The following SQSTM1 variants were observed in gnomAD, a reference collection of about 807,000 sequenced individuals.
SQSTM1 encodes the protein sequestosome 1.
Under a neutral mutation model 45.1 loss-of-function variants are expected in SQSTM1, and 36 were observed. The ratio of observed to expected loss-of-function variants is 0.80; its 90% CI spans 0.61 to 1.05. SQSTM1 has a LOEUF of 1.05. Among genes scored for constraint, SQSTM1 ranks in the 50% least tolerant of loss-of-function variants. The probability of loss-of-function intolerance (pLI) is 0.00; values close to 1 mark genes in which losing one functional copy is unlikely to be tolerated. For synonymous variants in SQSTM1, 290 were observed against 244.3 expected, an observed-to-expected ratio of 1.19 and a Z score of -1.74; for missense variants, 617 against 607.1, an observed-to-expected ratio of 1.02 and a Z score of -0.17.
intron 2 of SQSTM1, among the ~76,000 whole-genome samples, chr5:179,823,289 A>G (rs945699831): frequency 6.6e-6 from 1 of 151,816 alleles, no homozygotes; most frequent in Admixed American, 6.6e-5. Flanking sequence ...AACATGGTGA[A>G]ACCTTGTCGC....
intron 1 of SQSTM1, chr5:179,821,634 T>A (rs1244199077): frequency 9.6e-6 from 4 of 417,026 alleles, no homozygotes; most frequent in Non-Finnish European, 1.9e-5. Context: ...AGCGCGGGGG[T>A]GCGGGGGACT....
chr5:179,821,397 G>C (rs1302322636), intron 1 of SQSTM1, among the ~76,000 whole-genome samples: 1 of 152,118 alleles, frequency 6.6e-6, no homozygotes, highest in East Asian at 1.9e-4. Flanking sequence ...CCTGCCGGCC[G>C]GGGGCTCGAG....
chr5:179,833,904 G>C (rs545710060), intron 7 of SQSTM1, 122 bp downstream of exon 7: 1 of 1,117,654 alleles, frequency 8.9e-7, no homozygotes, highest in Admixed American at 1.9e-5. Flanking sequence ...GCTGTCTGTA[G>C]GTGTGGGAGG....
chr5:179,812,455 G>A (rs1266191913), intron 2 of SQSTM1: 1 of 152,238 alleles, frequency 6.6e-6, no homozygotes, highest in African/African-American at 2.4e-5. Context: ...GGCGCCCTGG[G>A]CGTGTGTACT....
chr5:179,830,403 T>G (rs1758161528), intron 5 of SQSTM1, among the ~76,000 whole-genome samples: 1 of 152,002 alleles, frequency 6.6e-6, no homozygotes, highest in Non-Finnish European at 1.5e-5. Flanking sequence ...GGCCTAGAAT[T>G]CTTTTGTTTT....
intron 2 of SQSTM1, chr5:179,812,179 T>G (rs1468892559): frequency 1.3e-5 from 2 of 152,212 alleles, no homozygotes; most frequent in Non-Finnish European, 2.9e-5. Context: ...AGGAATGATC[T>G]CCACCGCACA....
At chr5:179,824,726 C>T (rs578058256) in intron 4 of SQSTM1, among the ~76,000 whole-genome samples, 4 of 152,268 alleles carry the variant, frequency 2.6e-5, no homozygotes, top group South Asian at 2.1e-4. Flanking sequence ...AAAGACTTAC[C>T]GTTAGCTTTG....
At chr5:179,835,903 A>G in intron 7 of SQSTM1, 1 of 211,172 alleles carries the variant, frequency 4.7e-6, no homozygotes, top group African/African-American at 2.3e-5. Context: ...TTCTTTATCC[A>G]CTCATTGCTT....
intron 5 of SQSTM1, among the ~76,000 whole-genome samples, chr5:179,832,785 G>A (rs867863978): frequency 1.3e-5 from 2 of 152,274 alleles, no homozygotes; most frequent in Non-Finnish European, 2.9e-5. Context: ...TGGGATATGG[G>A]GAGAAGCCTC....
At chr5:179,821,270 T>C in intron 1 of SQSTM1, 129 bp downstream of exon 1, 1 of 946,424 alleles carries the variant, frequency 1.1e-6, no homozygotes, top group Non-Finnish European at 1.5e-6. Flanking sequence ...GGCTGCTCCC[T>C]GGATGGCGGT....
Position 179,837,394 on chromosome 5 carries a change from C to G in SQSTM1, c.*801C>G, listed in dbSNP as rs1758633196. ...TTAATAACCTGCCAGTCCCAGATCA[C>G]ACATCATCATCGAAGTCTTCCCCAG... On this transcript the variant is annotated 3_prime_UTR_variant, in exon 8 of 8. Transcript: ENST00000389805. 13 of 1,589,288 alleles carry G rather than the reference C, an allele frequency of 8.2e-6. No homozygotes were observed. Among genetic ancestry groups the G allele is most frequent in the Non-Finnish European group, 1.1e-5 (13 of 1,165,980 alleles).
rs766437927 is a variant in SQSTM1 at position 179,836,500 on chromosome 5, C to T, written c.1230C>T (p.Gly410=). The T allele has an allele frequency of 5.4e-5, 87 of 1,614,064 alleles. No individual in the cohort carries two copies. Among genetic ancestry groups the T allele is most frequent in the Admixed American group, 1.0e-4 (6 of 60,008 alleles). ...QMLSMGFSDE[G]GWLTRLLQTK... is the part of the protein sequence containing the mutation. ...TGTCCATGGGCTTCTCTGATGAAGG[C>T]GGCTGGCTCACCAGGCTCCTGCAGA... The change falls in exon 8 of 8, where the codon GGC becomes GGT. Residue 410 remains glycine (G), a synonymous_variant. Transcript: ENST00000389805.
chr5:179,831,650 C>T (rs1283648798), intron 5 of SQSTM1, among the ~76,000 whole-genome samples: 1 of 151,964 alleles, frequency 6.6e-6, no homozygotes, highest in East Asian at 1.9e-4. Flanking sequence ...GGCAACAGAG[C>T]GAGACTCTGT....
At chr5:179,828,034 G>A (rs1351988518) in intron 5 of SQSTM1, among the ~76,000 whole-genome samples, 1 of 152,200 alleles carries the variant, frequency 6.6e-6, no homozygotes, top group Non-Finnish European at 1.5e-5. Flanking sequence ...CCTCCTGGTC[G>A]TGGGATCTTT....
Position 179,833,891 on chromosome 5 carries a change from A to C in SQSTM1, c.1165+109A>C. ...AGAAGGATGAGATGTTCTCCACTGCAGGGCTGTCTGTAGGTGTGGGAGGTT... is the reference window on the plus strand; with the variant it reads ...AGAAGGATGAGATGTTCTCCACTGCCGGGCTGTCTGTAGGTGTGGGAGGTT... On this transcript the variant is annotated intron_variant, in intron 7 of 7. Coordinates refer to ENST00000389805, the MANE Select transcript of SQSTM1 (RefSeq NM_003900.5). 4 of 1,264,640 alleles carry C rather than the reference A, an allele frequency of 3.2e-6. No individual in the cohort carries two copies. The South Asian group carries it at 4.9e-5, about 16-fold the overall frequency. The allele number at this position is 1,264,640 out of a possible 1,614,324, so 78.3% of individuals were successfully genotyped here.
At chr5:179,821,652 G>T (rs374369923) in intron 1 of SQSTM1, 3 of 401,566 alleles carry the variant, frequency 7.5e-6, no homozygotes, top group African/African-American at 4.3e-5. Flanking sequence ...ACTCGCGAGC[G>T]CCGCGACAGC....
At chr5:179,814,316 A>G (rs1344239638), upstream of SQSTM1, among the ~76,000 whole-genome samples, 4 of 152,334 alleles carry the variant, frequency 2.6e-5, no homozygotes, top group Admixed American at 2.6e-4. Flanking sequence ...AGAAGTAGAT[A>G]GATTCAGGAC....
In SQSTM1 at chr5:179,806,883, C is replaced by CGGCAGGGCCG. The variant is rs1757187690; in HGVS notation, c.-157+296_-157+305dup. ...CGGGACACTGGCGGCCTCGCCTCCG[C>CGGCAGGGCCG]GGCAGGGCCGGGCCGGGCCGGGCTG... On this transcript the variant is annotated intron_variant, in intron 1 of 5. Coordinates refer to the SQSTM1 transcript ENST00000514093. This position sits in a 1 kb window ranked among gnomAD's most constrained non-coding sequence, Gnocchi z 4.6. 1.3e-5 allele frequency: 2 copies of CGGCAGGGCCG among 150,414 alleles called. No individual in the cohort carries two copies. Among genetic ancestry groups the CGGCAGGGCCG allele is most frequent in the Admixed American group, 1.3e-4 (2 of 15,072 alleles). 9.3% of individuals were successfully genotyped at this position (150,414 alleles called of 1,614,324 possible).
At chr5:179,808,931 C>T (rs1481153279) in intron 1 of SQSTM1, among the ~76,000 whole-genome samples, 2 of 148,168 alleles carry the variant, frequency 1.3e-5, no homozygotes, top group Non-Finnish European at 3.0e-5. Context: ...TATCTGGGCT[C>T]ACTGCAAGCT....
Sources: gnomAD v4.1 joint callset for allele counts (sites outside exome capture counted in the v4.1 genomes callset) on GRCh38, gnomAD v4.1.1 for gene constraint, Gnocchi (gnomAD v3.1) non-coding constraint, MANE v1.5 for transcripts, NCBI Gene and HGNC (gene_info 2026-07-23, HGNC 2026-07-21) for gene names.